TIMP2: variants seen among roughly 807,000 people sequenced by gnomAD.
TIMP2 encodes TIMP metallopeptidase inhibitor 2, also known as metalloproteinase inhibitor 2.
TIMP2 carries 5 observed loss-of-function variants against 24.3 expected under a neutral mutation model. The ratio of observed to expected loss-of-function variants is 0.21; its 90% CI spans 0.11 to 0.43. TIMP2 has a LOEUF of 0.43. Among genes scored for constraint, TIMP2 ranks in the 20% least tolerant of loss-of-function variants. The pLI is 1.00. For synonymous variants in TIMP2, 130 were observed against 123.2 expected (o/e 1.06, Z -0.37); for missense variants, 221 against 297.5 (o/e 0.74, Z 1.89).
intron 3 of TIMP2, among the ~76,000 whole-genome samples, chr17:78,864,207 A>G (rs9906689): frequency 0.2 from 30,026 of 151,940 alleles, 3,664 homozygotes; most frequent in African/African-American, 0.34. Flanking sequence ...CAGCCTCCCA[A>G]GTAGCTAGGA....
chr17:78,895,450 G>A (rs919867908), intron 1 of TIMP2, among the ~76,000 whole-genome samples: 6 of 152,120 alleles, frequency 3.9e-5, no homozygotes, highest in East Asian at 3.9e-4. Flanking sequence ...CCACTCCAAC[G>A]GCTGTCGTCA....
chr17:78,925,381 G>A lies in TIMP2; in HGVS notation c.-293C>T, dbSNP rs1439755556. 6.6e-6 allele frequency: 1 copy of A among 152,392 alleles called. No individual in the cohort carries two copies. Among genetic ancestry groups the A allele is most frequent in the African/African-American group, 2.4e-5 (1 of 41,384 alleles). The allele number at this position is 152,392 out of a possible 1,614,324, so 9.4% of individuals were successfully genotyped here. A position where few individuals can be genotyped will look rare whatever the true frequency, so the allele number is the denominator to read the frequency against. On this transcript the variant is annotated 5_prime_UTR_variant, in exon 1 of 5. Coordinates refer to ENST00000262768, the MANE Select transcript of TIMP2 (RefSeq NM_003255.5). Reference sequence around the variant, plus strand: ...CGGCCGCGCTGCCTTCTACGGATGTGTTTGCTGCGGGCTTGGGCCGGGCCG... The same window carrying A: ...CGGCCGCGCTGCCTTCTACGGATGTATTTGCTGCGGGCTTGGGCCGGGCCG...
chr17:78,863,010 G>A (rs541727251), intron 3 of TIMP2, among the ~76,000 whole-genome samples: 7 of 152,268 alleles, frequency 4.6e-5, no homozygotes, highest in Admixed American at 2.0e-4. Flanking sequence ...CAGATAGTGC[G>A]GTAATGAACA....
chr17:78,912,938 C>T (rs1360974239), intron 1 of TIMP2, among the ~76,000 whole-genome samples: 1 of 152,198 alleles, frequency 6.6e-6, no homozygotes, highest in East Asian at 1.9e-4. Context: ...GGCACCGTGG[C>T]ACAAGCCTGT....
In TIMP2 at chr17:78,857,510, G is replaced by A. The variant is rs1477527926; in HGVS notation, c.465+12C>T. ...AGGAGGCGATGCTCCAGCAGAGGCA[G>A]GACCTGCTTACCTTGCACTCGCAGC... is the stretch of plus-strand genomic sequence containing the variant. On this transcript the variant is annotated intron_variant, in intron 4 of 4. Transcript: ENST00000262768. 1 of 1,614,100 alleles carries A rather than the reference G, an allele frequency of 6.2e-7. No homozygotes were observed. The highest frequency in any genetic ancestry group is 8.5e-7 in the Non-Finnish European group (1 of 1,180,002).
chr17:78,881,772 G>A lies in TIMP2; in HGVS notation c.131-7853C>T, dbSNP rs529389323. ...CTGGGAAAGGACTGTGACGTTCCAC[G>A]CCTTGTCTAAACTCTCCAGAAAAGT... On this transcript the variant is annotated intron_variant, in intron 1 of 4. Transcript: ENST00000262768. Among the ~76,000 whole-genome samples the A allele has an allele frequency of 2.2e-4, 34 of 152,344 alleles. 1 individual carries two copies. In the South Asian group the frequency reaches 6.0e-3, roughly 27 times the overall value.
intron 1 of TIMP2, among the ~76,000 whole-genome samples, chr17:78,894,222 G>A (rs959480239): frequency 6.6e-6 from 1 of 152,036 alleles, no homozygotes; most frequent in African/African-American, 2.4e-5. Flanking sequence ...CAGGGAAACT[G>A]AGGCAGGCAG....
intron 1 of TIMP2, chr17:78,899,717 T>G (rs2070060662): frequency 6.6e-6 from 1 of 152,208 alleles, no homozygotes; most frequent in Non-Finnish European, 1.5e-5. Context: ...TGGAATGTGC[T>G]CATGCAGGTT....
In TIMP2 at chr17:78,907,830, C is replaced by T. The variant is rs147905554; in HGVS notation, c.130+17129G>A. ...CCCTTGCCAAAGAAAGTCTAATGTCCCCTCATGTGTCCAAACGTTCTGGCC... is the reference window on the plus strand; with the variant it reads ...CCCTTGCCAAAGAAAGTCTAATGTCTCCTCATGTGTCCAAACGTTCTGGCC... On this transcript the variant is annotated intron_variant, in intron 1 of 4. Coordinates refer to ENST00000262768, the MANE Select transcript of TIMP2 (RefSeq NM_003255.5). Among the ~76,000 whole-genome samples the T allele has an allele frequency of 1.6e-3, 242 of 152,234 alleles. 2 individuals are homozygous for T. The highest frequency in any genetic ancestry group is 5.3e-3 in the African/African-American group (220 of 41,550).
At chr17:78,880,668 C>T (rs2069771699) in intron 1 of TIMP2, among the ~76,000 whole-genome samples, 2 of 152,182 alleles carry the variant, frequency 1.3e-5, no homozygotes, top group Non-Finnish European at 2.9e-5. Context: ...CACTGCACCT[C>T]GGTCCTGGGT....
chr17:78,883,562 GGGCC>G (rs1432630285), intron 1 of TIMP2, among the ~76,000 whole-genome samples: 1 of 152,196 alleles, frequency 6.6e-6, no homozygotes, highest in African/African-American at 2.4e-5. Flanking sequence ...GCCTCAGCCG[GGGCC>G]ACACCGCCTG....
chr17:78,865,905 C>T (rs747133849), intron 3 of TIMP2, among the ~76,000 whole-genome samples: 2 of 152,112 alleles, frequency 1.3e-5, no homozygotes, highest in South Asian at 4.1e-4. Flanking sequence ...AGAGTCCTTC[C>T]GCAGCGCTGC....
At chr17:78,895,510 G>C (rs2069985887) in intron 1 of TIMP2, among the ~76,000 whole-genome samples, 1 of 152,204 alleles carries the variant, frequency 6.6e-6, no homozygotes, top group African/African-American at 2.4e-5. Flanking sequence ...GGAGGAATTG[G>C]AACCCTGTGC....
At chr17:78,871,299 A>C (rs967988753) in intron 2 of TIMP2, among the ~76,000 whole-genome samples, 2 of 151,912 alleles carry the variant, frequency 1.3e-5, no homozygotes, top group African/African-American at 4.8e-5. Flanking sequence ...TAAAAATACA[A>C]AAATTAGCTG....
intron 1 of TIMP2, among the ~76,000 whole-genome samples, chr17:78,893,401 G>A (rs1483055509): frequency 4.9e-5 from 5 of 101,870 alleles, no homozygotes; most frequent in African/African-American, 1.5e-4. Flanking sequence ...GTGTATGCAG[G>A]GGTGTGTGTG....
At chr17:78,901,924 T>A in intron 1 of TIMP2, 1 of 616,444 alleles carries the variant, frequency 1.6e-6, no homozygotes, top group Non-Finnish European at 3.0e-6. Flanking sequence ...GAGACGCCCA[T>A]CACTGGAGGC....
rs1256382643 is a variant in TIMP2 at position 78,925,029 on chromosome 17, C to A, written c.60G>T (p.Leu20=). Residue 20 remains leucine, a synonymous_variant, in exon 1 of 5, where the codon CTG becomes CTT. Coordinates refer to ENST00000262768, the MANE Select transcript of TIMP2 (RefSeq NM_003255.5). Reference sequence around the variant, plus strand: ...AGCTGCAGGCGTCGGCCGGGCGAAGCAGCGTCGCCAGCAGCAGGAGGCCGA... The same window carrying A: ...AGCTGCAGGCGTCGGCCGGGCGAAGAAGCGTCGCCAGCAGCAGGAGGCCGA... ...LALGLLLLAT[L]LRPADACSCS... The A allele has an allele frequency of 1.2e-5, 15 of 1,255,086 alleles. No individual in the cohort carries two copies. Among genetic ancestry groups the A allele is most frequent in the African/African-American group, 1.6e-5 (1 of 63,318 alleles). 77.7% of individuals were successfully genotyped at this position (1,255,086 alleles called of 1,614,324 possible). A position where few individuals can be genotyped will look rare whatever the true frequency, so the allele number is the denominator to read the frequency against.
chr17:78,866,435 T>C (rs1250014479), intron 3 of TIMP2, among the ~76,000 whole-genome samples: 1 of 152,012 alleles, frequency 6.6e-6, no homozygotes, highest in Non-Finnish European at 1.5e-5. Context: ...ACTGGGCGTG[T>C]AAAATGGTGC....
intron 1 of TIMP2, chr17:78,892,043 C>T: frequency 6.4e-7 from 1 of 1,550,922 alleles, no homozygotes; most frequent in Non-Finnish European, 8.7e-7. Context: ...CTGGATGGGC[C>T]CCTGCGAGTC....
Sources: gnomAD v4.1 joint callset for allele counts (sites outside exome capture counted in the v4.1 genomes callset) on GRCh38, gnomAD v4.1.1 for gene constraint, MANE v1.5 for transcripts, NCBI Gene and HGNC (gene_info 2026-07-23, HGNC 2026-07-21) for gene names.